ARSB: variants seen among roughly 807,000 people sequenced by gnomAD.
ARSB encodes N-acetylgalactosamine-4-sulfatase.
In ARSB, 41 loss-of-function variants were observed where a neutral mutation model predicts 50.9. The ratio of observed to expected loss-of-function variants is 0.81; its 90% CI spans 0.63 to 1.04. The LOEUF (loss-of-function observed/expected upper bound fraction) is 1.04, where lower values mean the gene tolerates loss of function less well. Among genes scored for constraint, ARSB ranks in the 50% least tolerant of loss-of-function variants. The probability of loss-of-function intolerance (pLI) is 0.00; values close to 1 mark genes in which losing one functional copy is unlikely to be tolerated. For synonymous variants in ARSB, 269 were observed against 284.8 expected, an observed-to-expected ratio of 0.94 and a Z score of 0.56; for missense variants, 672 against 693.3, an observed-to-expected ratio of 0.97 and a Z score of 0.35.
In ARSB at chr5:78,826,401, T is replaced by G. The variant is rs1194255123; in HGVS notation, c.1213+12955A>C. ...TTTATTCAACAACTACTTATTGTGCTACTGTTCTAGATGTTTGGGTATAGA... is the reference window on the plus strand; with the variant it reads ...TTTATTCAACAACTACTTATTGTGCGACTGTTCTAGATGTTTGGGTATAGA... On this transcript the variant is annotated intron_variant, in intron 6 of 7. Transcript: ENST00000264914. 2.0e-5 allele frequency among the ~76,000 whole-genome samples: 3 copies of G among 152,326 alleles called. No individual in the cohort carries two copies. The East Asian group carries it at 5.8e-4, about 29-fold the overall frequency.
chr5:78,976,157 A>G (rs532650140), intron 1 of ARSB, among the ~76,000 whole-genome samples: 2 of 152,034 alleles, frequency 1.3e-5, no homozygotes, highest in Non-Finnish European at 2.9e-5. Context: ...GGAGCTGCCT[A>G]TGGGAAGGAG....
intron 4 of ARSB, among the ~76,000 whole-genome samples, chr5:78,948,349 A>G (rs1339014986): frequency 6.6e-6 from 1 of 152,224 alleles, no homozygotes; most frequent in Non-Finnish European, 1.5e-5. Flanking sequence ...AGATATCCCC[A>G]TTACCCAGAT....
intron 4 of ARSB, among the ~76,000 whole-genome samples, chr5:78,887,911 G>A (rs1020825707): frequency 1.3e-5 from 2 of 152,178 alleles, no homozygotes; most frequent in African/African-American, 4.8e-5. Flanking sequence ...GTGTACATAG[G>A]AAGTTATTTC....
At chr5:78,906,018 C>G (rs1749049808) in intron 4 of ARSB, among the ~76,000 whole-genome samples, 1 of 151,514 alleles carries the variant, frequency 6.6e-6, no homozygotes, top group Admixed American at 6.6e-5. Context: ...TGCACCCCAC[C>G]ACAACACCAA....
chr5:78,931,509 T>C (rs1471351612), intron 4 of ARSB, among the ~76,000 whole-genome samples: 1 of 152,144 alleles, frequency 6.6e-6, no homozygotes, highest in Non-Finnish European at 1.5e-5. Context: ...TGCCTGTCTC[T>C]GGCCATTTCA....
rs60622885 is a variant in ARSB at position 78,905,344 on chromosome 5, G to GTTTTTTTTTTTTT, written c.899-19530_899-19518dup. Among the ~76,000 whole-genome samples, 63 of 130,548 alleles carry GTTTTTTTTTTTTT rather than the reference G, an allele frequency of 4.8e-4. 11 individuals are homozygous for GTTTTTTTTTTTTT. Among genetic ancestry groups the GTTTTTTTTTTTTT allele is most frequent in the Non-Finnish European group, 4.0e-4 (25 of 62,444 alleles). 85.6% of individuals were successfully genotyped at this position (130,548 alleles called of 152,430 possible). On this transcript the variant is annotated intron_variant, in intron 4 of 7. Transcript: ENST00000264914. Reference sequence around the variant, plus strand: ...CCTTGAGTACTGCTCGTATTTTCCTGTTTTTTTTTTTTTGTATAATGAGTA... The same window carrying GTTTTTTTTTTTTT: ...CCTTGAGTACTGCTCGTATTTTCCTGTTTTTTTTTTTTTTTTTTTTTTTTTTGTATAATGAGTA...
chr5:78,958,791 T>C (rs1371769847), intron 3 of ARSB, among the ~76,000 whole-genome samples: 1 of 152,080 alleles, frequency 6.6e-6, no homozygotes, highest in East Asian at 1.9e-4. Context: ...TGTTATAGAT[T>C]AACCACCTCC....
chr5:78,961,758 C>A (rs547135836), intron 3 of ARSB, among the ~76,000 whole-genome samples: 1 of 151,938 alleles, frequency 6.6e-6, no homozygotes, highest in Non-Finnish European at 1.5e-5. Context: ...TAATAGGTAG[C>A]TGGCTTCTGC....
chr5:78,967,435 G>A (rs1752253779), intron 2 of ARSB, among the ~76,000 whole-genome samples: 1 of 152,166 alleles, frequency 6.6e-6, no homozygotes, highest in Non-Finnish European at 1.5e-5. Flanking sequence ...AGCACTTTGG[G>A]AGGCCAAGAT....
chr5:78,891,413 T>G (rs1748285110), intron 4 of ARSB, among the ~76,000 whole-genome samples: 1 of 152,176 alleles, frequency 6.6e-6, no homozygotes, highest in Non-Finnish European at 1.5e-5. Flanking sequence ...TTGGGAGCAT[T>G]TCAAGAAGCA....
chr5:78,903,631 C>A (rs234688), intron 4 of ARSB, among the ~76,000 whole-genome samples: 91,610 of 152,044 alleles, frequency 0.6, 28,908 homozygotes, highest in East Asian at 0.98. Flanking sequence ...TACAAAACAT[C>A]TGCCTGGCAT....
intron 1 of ARSB, among the ~76,000 whole-genome samples, chr5:78,973,450 C>A (rs1752542020): frequency 6.6e-6 from 1 of 152,224 alleles, no homozygotes; most frequent in South Asian, 2.1e-4. Flanking sequence ...TAGGCTCTTT[C>A]TGTGACATAA....
At position 78,800,939 on chromosome 5, in the gene ARSB, C is replaced by A. The variant is rs143209500; in HGVS notation, c.1214-18965G>T. Among the ~76,000 whole-genome samples the A allele has an allele frequency of 5.9e-5, 9 of 152,236 alleles. No homozygotes were observed. The East Asian group carries it at 1.7e-3, about 29-fold the overall frequency. On this transcript the variant is annotated intron_variant, in intron 6 of 7. Coordinates refer to ENST00000264914, the MANE Select transcript of ARSB (RefSeq NM_000046.5). ...ATGAGCAGGAACAGGACATCCCAGG[C>A]AGAGTGTGGAAGAGTACAAGGTGAG...
intron 3 of ARSB, among the ~76,000 whole-genome samples, chr5:78,957,884 C>G (rs1751804633): frequency 6.6e-6 from 1 of 151,116 alleles, no homozygotes; most frequent in Non-Finnish European, 1.5e-5. Flanking sequence ...ACTGAGCCAA[C>G]TCCAGCCACC....
chr5:78,920,636 A>AG (rs1749764967), intron 4 of ARSB, among the ~76,000 whole-genome samples: 2 of 151,380 alleles, frequency 1.3e-5, no homozygotes, highest in African/African-American at 4.9e-5. Context: ...CCTCCACCAC[A>AG]GGGGATGGGG....
chr5:78,823,803 AT>A, intron 6 of ARSB, among the ~76,000 whole-genome samples: 1 of 152,360 alleles, frequency 6.6e-6, no homozygotes, highest in African/African-American at 2.4e-5. Context: ...ATCAGAAAAC[AT>A]TTTGGCATTT....
At chr5:78,964,134 A>G (rs1752111891) in intron 3 of ARSB, among the ~76,000 whole-genome samples, 1 of 152,182 alleles carries the variant, frequency 6.6e-6, no homozygotes, top group South Asian at 2.1e-4. Flanking sequence ...TCAAAGTGTG[A>G]TCTGGGGACC....
intron 4 of ARSB, among the ~76,000 whole-genome samples, chr5:78,896,580 T>G (rs7709486): frequency 0.026 from 3,987 of 152,336 alleles, 202 homozygotes; most frequent in African/African-American, 0.092. Flanking sequence ...CTAGACTTGA[T>G]GGATATAATA....
intron 4 of ARSB, among the ~76,000 whole-genome samples, chr5:78,922,334 G>T (rs1482157493): frequency 6.6e-6 from 1 of 151,946 alleles, no homozygotes; most frequent in African/African-American, 2.4e-5. Flanking sequence ...AGAGGCCTCT[G>T]TCTAACAACT....
Sources: gnomAD v4.1 joint callset for allele counts (sites outside exome capture counted in the v4.1 genomes callset) on GRCh38, gnomAD v4.1.1 for gene constraint, MANE v1.5 for transcripts, NCBI Gene and HGNC (gene_info 2026-07-23, HGNC 2026-07-21) for gene names.